Variants in ACTN1 observed in about 807,000 individuals in gnomAD.
ACTN1 encodes the protein actinin alpha 1.
Under a neutral mutation model 119.6 loss-of-function variants are expected in ACTN1, and 30 were observed. That is an observed-to-expected ratio of 0.25 (90% CI 0.19 to 0.34). The LOEUF (loss-of-function observed/expected upper bound fraction) is 0.34, where lower values mean the gene tolerates loss of function less well. Ranked by LOEUF, ACTN1 falls within the 10% of genes least tolerant of loss-of-function variation. The pLI, the probability that ACTN1 is intolerant of heterozygous loss-of-function variation, is 1.00. For missense variants in ACTN1, 764 were observed against 1,223.4 expected, an observed-to-expected ratio of 0.62 and a Z score of 5.60; for synonymous variants, 429 against 472.6, an observed-to-expected ratio of 0.91 and a Z score of 1.20.
Position 68,909,905 on chromosome 14 carries a change from C to CG in ACTN1, c.515+49dup, listed in dbSNP as rs760416413. The CG allele has an allele frequency of 7.3e-5, 113 of 1,555,694 alleles. No individual in the cohort carries two copies. ...CCAGCCAAGGGGGTCTGGGAGCTCC[C>CG]GGGGGAGGCAGCCTGGTTCTGTGAG... On this transcript the variant is annotated intron_variant, in intron 5 of 21. Coordinates refer to ENST00000394419, the MANE Select transcript of ACTN1 (RefSeq NM_001130004.2). This position sits in a 1 kb window ranked among gnomAD's most constrained non-coding sequence, Gnocchi z 4.1.
At chr14:68,953,054 C>G (rs1317092273) in intron 1 of ACTN1, among the ~76,000 whole-genome samples, 1 of 152,102 alleles carries the variant, frequency 6.6e-6, no homozygotes, top group African/African-American at 2.4e-5. Flanking sequence ...CACAGGGAGT[C>G]AGCCTGCGCA....
At chr14:68,943,561 C>T (rs113363660) in intron 1 of ACTN1, among the ~76,000 whole-genome samples, 2,641 of 152,240 alleles carry the variant, frequency 0.017, 41 homozygotes, top group Non-Finnish European at 0.022. Context: ...GAAAGATCAG[C>T]GTTCCATCCT....
intron 16 of ACTN1, 66 bp from the exon 17 acceptor site, chr14:68,881,055 G>A (rs2031464414): frequency 2.0e-6 from 3 of 1,522,952 alleles, no homozygotes; most frequent in South Asian, 1.2e-5. Context: ...TGGGGACTGG[G>A]GCCTCCAAAA....
intron 1 of ACTN1, among the ~76,000 whole-genome samples, chr14:68,949,257 G>C (rs2036048520): frequency 6.6e-6 from 1 of 152,166 alleles, no homozygotes; most frequent in South Asian, 2.1e-4. Flanking sequence ...CGGGGTCCCC[G>C]TGCCTCCCCA....
rs1324383673 is a variant in ACTN1 at position 68,882,059 on chromosome 14, C to G, written c.1953+399G>C. On this transcript the variant is annotated intron_variant, in intron 16 of 21. Transcript: ENST00000394419. This position sits in a 1 kb window ranked among gnomAD's most constrained non-coding sequence, Gnocchi z 4.5. The stretch of plus-strand genomic sequence containing the variant: ...CAAGCGATTCTCCTGCCTCAGGCTC[C>G]CAAGTAGCTGGGATTATAGGCACGC... Among the ~76,000 whole-genome samples, 1 of 151,112 alleles carries G rather than the reference C, an allele frequency of 6.6e-6. No individual in the cohort carries two copies. Among genetic ancestry groups the G allele is most frequent in the African/African-American group, 2.4e-5 (1 of 41,050 alleles).
chr14:68,936,624 G>C (rs572178970), intron 1 of ACTN1: 2 of 596,702 alleles, frequency 3.4e-6, no homozygotes, highest in African/African-American at 3.8e-5. Flanking sequence ...CAAAAGCACC[G>C]AGAGTTCGTG....
intron 21 of ACTN1, 110 bp from the exon 22 acceptor site, chr14:68,875,127 A>C (rs567845825): frequency 1.9e-6 from 3 of 1,550,722 alleles, no homozygotes; most frequent in African/African-American, 1.4e-5. Context: ...TGCCGTTTGC[A>C]TTTTGCCTCC....
intron 1 of ACTN1, among the ~76,000 whole-genome samples, chr14:68,957,715 A>G (rs559493624): frequency 6.6e-6 from 1 of 152,246 alleles, no homozygotes; most frequent in Admixed American, 6.5e-5. Flanking sequence ...TCAGCCCACA[A>G]CCAGTACCCT....
At chr14:68,901,256 T>G (rs905941662) in intron 8 of ACTN1, among the ~76,000 whole-genome samples, 8 of 145,846 alleles carry the variant, frequency 5.5e-5, no homozygotes, top group African/African-American at 1.5e-4. Flanking sequence ...TTTGTTTTTT[T>G]TTTTTTTTTG....
At position 68,932,719 on chromosome 14, in the gene ACTN1, G is replaced by C. The variant is rs553029519; in HGVS notation, c.106-7047C>G. ...AAGGGTCACACACGCCAAGGTCTAA[G>C]CAAGGTTTCTCAACCTCAGTACTAC... On this transcript the variant is annotated intron_variant, in intron 1 of 21. Coordinates refer to ENST00000394419, the MANE Select transcript of ACTN1 (RefSeq NM_001130004.2). 7.2e-5 allele frequency among the ~76,000 whole-genome samples: 11 copies of C among 151,960 alleles called. No individual in the cohort carries two copies. In the South Asian group the frequency reaches 2.3e-3, roughly 32 times the overall value.
At chr14:68,923,873 A>C (rs1333361309) in intron 2 of ACTN1, among the ~76,000 whole-genome samples, 2 of 152,254 alleles carry the variant, frequency 1.3e-5, no homozygotes, top group Admixed American at 1.3e-4. Flanking sequence ...CAGGTGAATG[A>C]ACAAAATGTG....
Position 68,909,542 on chromosome 14 carries a change from G to A in ACTN1, c.516-146C>T, listed in dbSNP as rs1390407871. On this transcript the variant is annotated intron_variant, in intron 5 of 21. Coordinates refer to ENST00000394419, the MANE Select transcript of ACTN1 (RefSeq NM_001130004.2). The surrounding 1 kb of genome is among the most constrained non-coding windows in gnomAD (Gnocchi z 4.1). ...GGAGTTAGAAGACAGGATGGGAAGG[G>A]ACATTTCTTCCTGCCACAAATCCCA... 1 of 729,076 alleles carries A rather than the reference G, an allele frequency of 1.4e-6. No homozygotes were observed. The highest frequency in any genetic ancestry group is 1.7e-5 in the South Asian group (1 of 59,026). The allele number at this position is 729,076 out of a possible 1,614,324, so 45.2% of individuals were successfully genotyped here.
At chr14:68,920,981 T>C (rs1176072526) in intron 3 of ACTN1, 25 bp downstream of exon 3, 13 of 1,612,688 alleles carry the variant, frequency 8.1e-6, no homozygotes, top group African/African-American at 1.3e-5. Context: ...TCAGGCTCCT[T>C]GGGGCCACCA....
chr14:68,898,660 A>T (rs949344533), intron 8 of ACTN1, among the ~76,000 whole-genome samples: 2 of 152,026 alleles, frequency 1.3e-5, no homozygotes, highest in African/African-American at 4.8e-5. Flanking sequence ...CTGCCTGCTC[A>T]GCTCAAAGCA....
chr14:68,968,473 C>A (rs2036773749), intron 1 of ACTN1, among the ~76,000 whole-genome samples: 1 of 151,608 alleles, frequency 6.6e-6, no homozygotes, highest in South Asian at 2.1e-4. Flanking sequence ...TGGGTATGAC[C>A]CCATCTACAC....
intron 1 of ACTN1, among the ~76,000 whole-genome samples, chr14:68,976,157 A>G (rs1447069809): frequency 6.6e-6 from 1 of 152,240 alleles, no homozygotes. Context: ...TGAAATGGAA[A>G]GACTTGCCCA....
chr14:68,909,933 C>G lies in ACTN1; in HGVS notation c.515+22G>C. 2.5e-6 allele frequency: 4 copies of G among 1,607,266 alleles called. No individual in the cohort carries two copies. Among genetic ancestry groups the G allele is most frequent in the Non-Finnish European group, 3.4e-6 (4 of 1,174,416 alleles). ...GGGAGGCAGCCTGGTTCTGTGAGAG[C>G]CCCTCAGACCCCAGCACTCACCTTA... On this transcript the variant is annotated intron_variant, in intron 5 of 21. Coordinates refer to ENST00000394419, the MANE Select transcript of ACTN1 (RefSeq NM_001130004.2). This position sits in a 1 kb window ranked among gnomAD's most constrained non-coding sequence, Gnocchi z 4.1.
At chr14:68,904,805 G>A (rs1248397381) in intron 6 of ACTN1, 69 bp from the exon 7 acceptor site, 2 of 1,397,222 alleles carry the variant, frequency 1.4e-6, no homozygotes, top group Admixed American at 1.7e-5. Context: ...ACTCCCAATT[G>A]GGTGGCCACC....
rs779085151 is a variant in ACTN1, at chr14:68,969,955, G to A, written c.105+8997C>T. 1.4e-3 allele frequency among the ~76,000 whole-genome samples: 219 copies of A among 152,132 alleles called. 4 individuals carry two copies. The highest frequency in any genetic ancestry group is 6.2e-4 in the Non-Finnish European group (42 of 67,994). On this transcript the variant is annotated intron_variant, in intron 1 of 21. Coordinates refer to ENST00000394419, the MANE Select transcript of ACTN1 (RefSeq NM_001130004.2). ...CCACCTTGAAGTTGCCTCCCCTCCCGTCATTTCACCTACAGATGATTTGAA... is the reference window on the plus strand; with the variant it reads ...CCACCTTGAAGTTGCCTCCCCTCCCATCATTTCACCTACAGATGATTTGAA...
Sources: allele counts gnomAD v4.1 joint callset (sites outside exome capture counted in the v4.1 genomes callset), GRCh38; gene constraint gnomAD v4.1.1; non-coding constraint Gnocchi (gnomAD v3.1); transcripts MANE v1.5; gene names NCBI Gene and HGNC (gene_info 2026-07-23, HGNC 2026-07-21).